PLD5: variants seen among roughly 807,000 people sequenced by gnomAD.
PLD5 encodes inactive phospholipase D5.
In PLD5, 36 loss-of-function variants were observed where a neutral mutation model predicts 61.1. The ratio of observed to expected loss-of-function variants is 0.59; its 90% CI spans 0.45 to 0.78. The LOEUF (loss-of-function observed/expected upper bound fraction) is 0.78, where lower values mean the gene tolerates loss of function less well. Ranked by LOEUF, PLD5 falls within the 30% of genes least tolerant of loss-of-function variation. PLD5 has a pLI of 0.00. For synonymous variants in PLD5, 243 were observed against 242.8 expected, an observed-to-expected ratio of 1.00 and a Z score of -0.01; for missense variants, 515 against 644.4, an observed-to-expected ratio of 0.80 and a Z score of 2.17.
intron 2 of PLD5, among the ~76,000 whole-genome samples, chr1:242,299,455 T>C (rs2149157897): frequency 6.6e-6 from 1 of 152,356 alleles, no homozygotes; most frequent in South Asian, 2.1e-4. Flanking sequence ...CACAAGGAAC[T>C]TAAGTAACTT....
At chr1:242,476,323 C>T (rs1437057098) in intron 1 of PLD5, among the ~76,000 whole-genome samples, 2 of 151,802 alleles carry the variant, frequency 1.3e-5, no homozygotes, top group Non-Finnish European at 2.9e-5. Context: ...CCATTGCACT[C>T]CAGCCTGGGC....
At chr1:242,526,378 A>G (rs1157294040), upstream of PLD5, among the ~76,000 whole-genome samples, 5 of 152,166 alleles carry the variant, frequency 3.3e-5, no homozygotes, top group African/African-American at 9.7e-5. Flanking sequence ...ACCCTGTCGG[A>G]GGTGAGGCTG....
At chr1:242,221,567 G>A (rs993316335) in intron 4 of PLD5, among the ~76,000 whole-genome samples, 1 of 152,208 alleles carries the variant, frequency 6.6e-6, no homozygotes, top group Non-Finnish European at 1.5e-5. Context: ...GATGTTATGA[G>A]GTTGGGAGAG....
At position 242,429,159 on chromosome 1, in the gene PLD5, G is replaced by A. The variant is rs371741995; in HGVS notation, c.190-80917C>T. Among the ~76,000 whole-genome samples, 495 of 152,304 alleles carry A rather than the reference G, an allele frequency of 3.3e-3. 3 individuals are homozygous for A. The highest frequency in any genetic ancestry group is 0.011 in the African/African-American group (449 of 41,562). ...CCACGAATAATATTGAAATGAAAAG[G>A]AAAGCTTGATCTTGAAAAAGTTCCA... On this transcript the variant is annotated intron_variant, in intron 1 of 9. Transcript: ENST00000536534.
rs534023559 is a variant in PLD5 at position 242,257,006 on chromosome 1, A to G, written c.607+8331T>C. ...CCTACCTTCTTTCTATCATCTATCT[A>G]TCTATCATCTATCTATATCTACCTA... On this transcript the variant is annotated intron_variant, in intron 4 of 9. Transcript: ENST00000536534. Among the ~76,000 whole-genome samples, 13 of 150,504 alleles carry G rather than the reference A, an allele frequency of 8.6e-5. No individual in the cohort carries two copies. In the South Asian group the frequency reaches 1.3e-3, roughly 15 times the overall value.
chr1:242,130,616 T>C (rs7541781), intron 5 of PLD5, among the ~76,000 whole-genome samples: 27,800 of 152,108 alleles, frequency 0.18, 2,689 homozygotes, highest in Non-Finnish European at 0.19. Flanking sequence ...CATCTATTAT[T>C]TTTTTAATTT....
At chr1:242,241,752 T>C (rs1672020812) in intron 4 of PLD5, among the ~76,000 whole-genome samples, 1 of 142,390 alleles carries the variant, frequency 7.0e-6, no homozygotes. Flanking sequence ...ACTAATTTAT[T>C]CATATGTATA....
chr1:242,315,700 C>T (rs1325496708), intron 2 of PLD5, among the ~76,000 whole-genome samples: 1 of 152,056 alleles, frequency 6.6e-6, no homozygotes, highest in Non-Finnish European at 1.5e-5. Context: ...TGCATTTGGA[C>T]TTCTGAGCTC....
At chr1:242,112,801 T>C (rs1197791066) in intron 7 of PLD5, among the ~76,000 whole-genome samples, 1 of 152,186 alleles carries the variant, frequency 6.6e-6, no homozygotes, top group Non-Finnish European at 1.5e-5. Context: ...CCCCAAAATA[T>C]GCACTTTGAA....
chr1:242,424,857 C>T (rs12135827), intron 1 of PLD5, among the ~76,000 whole-genome samples: 11,156 of 152,086 alleles, frequency 0.073, 469 homozygotes, highest in Middle Eastern at 0.19. Context: ...GCTGACCGGG[C>T]GTGGTGGCTC....
intron 5 of PLD5, among the ~76,000 whole-genome samples, chr1:242,190,809 G>T (rs1166318652): frequency 2.6e-5 from 4 of 152,148 alleles, no homozygotes; most frequent in Admixed American, 2.6e-4. Flanking sequence ...GGAAGCTTTA[G>T]TCCAAGGAAG....
At chr1:242,258,245 G>T (rs185677016) in intron 4 of PLD5, among the ~76,000 whole-genome samples, 1 of 152,088 alleles carries the variant, frequency 6.6e-6, no homozygotes, top group African/African-American at 2.4e-5. Context: ...GGTCTGTAAA[G>T]ACCCCCACAT....
chr1:242,512,145 T>C (rs61306290), intron 1 of PLD5, among the ~76,000 whole-genome samples: 12,592 of 151,484 alleles, frequency 0.083, 582 homozygotes, highest in African/African-American at 0.12. Flanking sequence ...GGTGCGGTGG[T>C]TCACGCCTGT....
At chr1:242,488,377 T>G (rs1017946952) in intron 1 of PLD5, among the ~76,000 whole-genome samples, 2 of 152,216 alleles carry the variant, frequency 1.3e-5, no homozygotes, top group African/African-American at 4.8e-5. Context: ...AATAGAATAT[T>G]ATTCAGCACT....
intron 5 of PLD5, among the ~76,000 whole-genome samples, chr1:242,202,287 G>A (rs1442163878): frequency 6.6e-6 from 1 of 152,114 alleles, no homozygotes; most frequent in East Asian, 1.9e-4. Flanking sequence ...TGGGTGTGTG[G>A]TCCCTAAGTG....
chr1:242,132,076 C>G (rs1663305235), intron 5 of PLD5, among the ~76,000 whole-genome samples: 1 of 151,328 alleles, frequency 6.6e-6, no homozygotes, highest in Admixed American at 6.6e-5. Flanking sequence ...GGTGATCTGC[C>G]CACCTCAGCC....
upstream of PLD5, among the ~76,000 whole-genome samples, chr1:242,526,625 G>A (rs1291363342): frequency 2.0e-5 from 3 of 152,088 alleles, no homozygotes; most frequent in African/African-American, 4.8e-5. Flanking sequence ...TAGTGGAGAC[G>A]GGGTTTCACC....
intron 5 of PLD5, chr1:242,210,240 A>T (rs946686334): frequency 6.6e-6 from 1 of 152,286 alleles, no homozygotes; most frequent in Non-Finnish European, 1.5e-5. Flanking sequence ...ACTCCAGTGA[A>T]TACACAAATG....
At chr1:242,486,036 C>T (rs1185306851) in intron 1 of PLD5, among the ~76,000 whole-genome samples, 16 of 151,984 alleles carry the variant, frequency 1.1e-4, no homozygotes, top group African/African-American at 3.6e-4. Context: ...AACTGGATCC[C>T]TTCCTTACAC....
Sources: allele counts gnomAD v4.1 joint callset (sites outside exome capture counted in the v4.1 genomes callset), GRCh38; gene constraint gnomAD v4.1.1; transcripts MANE v1.5; gene names NCBI Gene and HGNC (gene_info 2026-07-23, HGNC 2026-07-21).